Variants in GLIS3 observed in about 807,000 individuals in gnomAD.
GLIS3 encodes zinc finger protein GLIS3.
GLIS3 carries 53 observed loss-of-function variants against 78.6 expected under a neutral mutation model. That is an observed-to-expected ratio of 0.67 (90% CI 0.54 to 0.85). The LOEUF (loss-of-function observed/expected upper bound fraction) is 0.85. GLIS3 is among the 40% of genes least tolerant of loss of function. The probability of loss-of-function intolerance (pLI) is 0.00; values close to 1 mark genes in which losing one functional copy is unlikely to be tolerated. For missense variants in GLIS3, 1,703 were observed against 1,231.1 expected, an observed-to-expected ratio of 1.38 and a Z score of -5.74; for synonymous variants, 684 against 509.9, an observed-to-expected ratio of 1.34 and a Z score of -4.60.
intron 2 of GLIS3, among the ~76,000 whole-genome samples, chr9:4,153,055 C>T (rs1834798392): frequency 6.6e-6 from 1 of 152,124 alleles, no homozygotes; most frequent in Non-Finnish European, 1.5e-5. Flanking sequence ...GCATCTCTAG[C>T]CTCTTACCCA....
At chr9:4,246,253 A>G (rs1027117223) in intron 2 of GLIS3, among the ~76,000 whole-genome samples, 1 of 152,184 alleles carries the variant, frequency 6.6e-6, no homozygotes, top group Non-Finnish European at 1.5e-5. Flanking sequence ...CAAATTAAAC[A>G]CAATTTTAAA....
At chr9:4,007,739 T>C (rs1821668988) in intron 4 of GLIS3, among the ~76,000 whole-genome samples, 1 of 152,068 alleles carries the variant, frequency 6.6e-6, no homozygotes, top group African/African-American at 2.4e-5. Flanking sequence ...ACAAATGTAA[T>C]TACAAAAGAA....
the GLIS3 span, among the ~76,000 whole-genome samples, chr9:4,469,303 A>T: frequency 6.6e-6 from 1 of 152,184 alleles, no homozygotes; most frequent in Non-Finnish European, 1.5e-5. Context: ...ACATCTACAG[A>T]ACCCTCCACC....
intron 1 of GLIS3, among the ~76,000 whole-genome samples, chr9:4,293,271 C>T (rs989510307): frequency 1.3e-5 from 2 of 152,180 alleles, no homozygotes; most frequent in African/African-American, 4.8e-5. Flanking sequence ...AAATTTATCA[C>T]TCAAACCAAA....
intron 4 of GLIS3, among the ~76,000 whole-genome samples, chr9:4,064,172 G>C: frequency 6.6e-6 from 1 of 151,998 alleles, no homozygotes. Context: ...TAATTATGCT[G>C]AGAAAACCTA....
At chr9:3,954,007 G>C (rs1305138751) in intron 4 of GLIS3, among the ~76,000 whole-genome samples, 1 of 151,920 alleles carries the variant, frequency 6.6e-6, no homozygotes, top group African/African-American at 2.4e-5. Flanking sequence ...CCCTCACTTG[G>C]AGTAAATTAA....
chr9:4,072,965 C>G (rs565694953), intron 4 of GLIS3, among the ~76,000 whole-genome samples: 23 of 151,996 alleles, frequency 1.5e-4, no homozygotes, highest in African/African-American at 5.3e-4. Flanking sequence ...TTTAACTATA[C>G]AGCATGATGT....
intron 9 of GLIS3, among the ~76,000 whole-genome samples, chr9:3,852,358 G>C (rs74468184): frequency 1.3e-5 from 2 of 152,102 alleles, no homozygotes; most frequent in African/African-American, 2.4e-5. Context: ...TTAAAACCAC[G>C]AAGTTTTTGA....
chr9:4,420,367 T>C, the GLIS3 span, among the ~76,000 whole-genome samples: 11 of 152,202 alleles, frequency 7.2e-5, no homozygotes, highest in African/African-American at 2.2e-4. Flanking sequence ...TCTGAGACCA[T>C]GTATATCCCA....
chr9:4,056,550 C>A (rs975875541), intron 4 of GLIS3, among the ~76,000 whole-genome samples: 1 of 151,854 alleles, frequency 6.6e-6, no homozygotes, highest in South Asian at 2.1e-4. Context: ...AGACTTTCTA[C>A]GAAGCCAGAC....
In GLIS3 at chr9:3,872,042, C is replaced by T. The variant is rs940483287; in HGVS notation, c.2297+7385G>A. Among the ~76,000 whole-genome samples, 4 of 152,206 alleles carry T rather than the reference C, an allele frequency of 2.6e-5. No individual in the cohort carries two copies. The East Asian group carries it at 5.8e-4, about 22-fold the overall frequency. On this transcript the variant is annotated intron_variant, in intron 8 of 10. Coordinates refer to ENST00000381971, the MANE Select transcript of GLIS3 (RefSeq NM_001042413.2). The stretch of plus-strand genomic sequence containing the variant: ...CTGCTAGATACCCTAAATCAGCTCT[C>T]TCAAGTTCAAAGTTCCACAAATCTC...
the GLIS3 span, among the ~76,000 whole-genome samples, chr9:4,403,794 GA>G: frequency 6.6e-6 from 1 of 151,872 alleles, no homozygotes; most frequent in African/African-American, 2.4e-5. Flanking sequence ...AAGAAGACAG[GA>G]AGGAAGGAAA....
chr9:4,026,935 G>A (rs73390406), intron 4 of GLIS3, among the ~76,000 whole-genome samples: 181 of 152,242 alleles, frequency 1.2e-3, no homozygotes, highest in African/African-American at 4.2e-3. Flanking sequence ...AGAGGAGGTG[G>A]GGCTGAAGTC....
the GLIS3 span, among the ~76,000 whole-genome samples, chr9:4,473,875 A>G: frequency 1.3e-4 from 20 of 152,290 alleles, no homozygotes; most frequent in African/African-American, 4.8e-4. Context: ...CCTAATGAAG[A>G]TGCACAAGAC....
At chr9:4,219,914 T>G (rs140428180) in intron 2 of GLIS3, among the ~76,000 whole-genome samples, 2 of 152,252 alleles carry the variant, frequency 1.3e-5, no homozygotes, top group Non-Finnish European at 2.9e-5. Flanking sequence ...AGATCTTGGT[T>G]TCTAAATACC....
chr9:4,304,186 A>G (rs896060416), upstream of GLIS3, among the ~76,000 whole-genome samples: 4 of 152,204 alleles, frequency 2.6e-5, no homozygotes, highest in African/African-American at 7.2e-5. Flanking sequence ...CAGTGTTCCA[A>G]AAGAGACTAA....
intron 4 of GLIS3, among the ~76,000 whole-genome samples, chr9:3,967,022 A>C (rs994390184): frequency 1.4e-5 from 2 of 144,532 alleles, no homozygotes; most frequent in African/African-American, 2.6e-5. Flanking sequence ...AAAAAAAAAA[A>C]AAAAAAAAAA....
At chr9:4,433,721 C>G in the GLIS3 span, among the ~76,000 whole-genome samples, 41 of 152,362 alleles carry the variant, frequency 2.7e-4, no homozygotes, top group East Asian at 7.5e-3. Flanking sequence ...CAGAGCCCAT[C>G]TGTGTTGAAA....
chr9:3,983,904 T>C (rs1374542145), intron 4 of GLIS3, among the ~76,000 whole-genome samples: 1 of 152,184 alleles, frequency 6.6e-6, no homozygotes, highest in Non-Finnish European at 1.5e-5. Context: ...AAGGAGAAAT[T>C]CAAGCTGGCT....
Sources: gnomAD v4.1 joint callset for allele counts (sites outside exome capture counted in the v4.1 genomes callset) on GRCh38, gnomAD v4.1.1 for gene constraint, MANE v1.5 for transcripts, NCBI Gene and HGNC (gene_info 2026-07-23, HGNC 2026-07-21) for gene names.